Variants in KALRN observed in about 807,000 individuals in gnomAD.
KALRN encodes the protein kalirin.
KALRN carries 70 observed loss-of-function variants against 353.7 expected under a neutral mutation model. That is an observed-to-expected ratio of 0.20 (90% confidence interval 0.16 to 0.24). The LOEUF (loss-of-function observed/expected upper bound fraction) is 0.24, where lower values mean the gene tolerates loss of function less well. Among genes scored for constraint, KALRN ranks in the 10% least tolerant of loss-of-function variants. KALRN has a pLI of 1.00. For synonymous variants in KALRN, 1,391 were observed against 1,434.8 expected, an observed-to-expected ratio of 0.97 and a Z score of 0.69; for missense variants, 2,791 against 3,756.7, an observed-to-expected ratio of 0.74 and a Z score of 6.72.
chr3:124,653,256 T>C (rs1440146), intron 38 of KALRN, among the ~76,000 whole-genome samples: 97,607 of 151,992 alleles, frequency 0.64, 32,093 homozygotes, highest in East Asian at 0.91. Flanking sequence ...ATGAGAGCTC[T>C]GTGGAGAAAA....
At chr3:124,277,958 G>T (rs2074930606) in intron 5 of KALRN, among the ~76,000 whole-genome samples, 1 of 151,796 alleles carries the variant, frequency 6.6e-6, no homozygotes, top group Non-Finnish European at 1.5e-5. Flanking sequence ...CAGCAGTTGA[G>T]GTGAGCTGTG....
At position 124,641,113 on chromosome 3, in the gene KALRN, A is replaced by T. The variant is rs530502256; in HGVS notation, c.5664+3810A>T. ...CTTTATGGTCACTTGGTCATTTGTT[A>T]TACCAAAGCTTCTGCCTCGGTGAGT... On this transcript the variant is annotated intron_variant, in intron 37 of 59. Coordinates refer to ENST00000682506, the MANE Select transcript of KALRN (RefSeq NM_001388419.1). 3.3e-5 allele frequency among the ~76,000 whole-genome samples: 5 copies of T among 152,186 alleles called. No homozygotes were observed. The East Asian group carries it at 9.7e-4, about 29-fold the overall frequency.
Position 124,658,496 on chromosome 3 carries a change from T to C in KALRN, c.6102T>C (p.Ala2034=), listed in dbSNP as rs747538348. Residue 2034 remains alanine, a synonymous_variant, in exon 42 of 60, where the codon GCT becomes GCC. Coordinates refer to ENST00000682506, the MANE Select transcript of KALRN (RefSeq NM_001388419.1). ...AGCCGCGCTCAGAGTACATCGTTGC[T>C]GAGTATGACGCCTACTTTGAGGTAA... ...QNKPRSEYIV[A]EYDAYFEEVK... is the part of the protein sequence containing the mutation. 1 of 1,614,102 alleles carries C rather than the reference T, an allele frequency of 6.2e-7. No individual in the cohort carries two copies. The highest frequency in any genetic ancestry group is 8.5e-7 in the Non-Finnish European group (1 of 1,179,922).
chr3:124,521,664 A>G (rs139706094), intron 33 of KALRN, among the ~76,000 whole-genome samples: 90 of 152,332 alleles, frequency 5.9e-4, no homozygotes, highest in African/African-American at 2.1e-3. Context: ...ATAATTAAAG[A>G]GTATAGTGAA....
intron 5 of KALRN, among the ~76,000 whole-genome samples, chr3:124,281,243 A>G (rs575340572): frequency 5.9e-5 from 9 of 152,160 alleles, no homozygotes; most frequent in African/African-American, 1.9e-4. Flanking sequence ...ATGTCCTGCT[A>G]TAGGAACAAC....
At chr3:124,218,481 A>G (rs1018385621) in intron 1 of KALRN, among the ~76,000 whole-genome samples, 38 of 152,180 alleles carry the variant, frequency 2.5e-4, no homozygotes, top group African/African-American at 8.7e-4. Context: ...CTGACAAGCT[A>G]ATGTTCTCTG....
chr3:124,232,882 GA>G (rs201346262), intron 2 of KALRN, among the ~76,000 whole-genome samples: 29 of 147,616 alleles, frequency 2.0e-4, no homozygotes, highest in African/African-American at 4.7e-4. Context: ...GTCAGACAGG[GA>G]AAAAAAAAAG....
intron 33 of KALRN, among the ~76,000 whole-genome samples, chr3:124,497,377 A>G (rs796583949): frequency 6.6e-5 from 10 of 152,260 alleles, no homozygotes; most frequent in African/African-American, 2.4e-4. Flanking sequence ...TCATTGCTTC[A>G]TCTTAGTTTT....
At position 124,354,793 on chromosome 3, in the gene KALRN, T is replaced by C. The variant is rs920527669; in HGVS notation, c.1770+7528T>C. On this transcript the variant is annotated intron_variant, in intron 10 of 59. Transcript: ENST00000682506. ...GAAAATGGCAATAGAAGAGGATTCT[T>C]TGTTGAAAGGACTTGTTCTAATGGG... Among the ~76,000 whole-genome samples the C allele has an allele frequency of 2.0e-5, 3 of 152,292 alleles. No individual in the cohort carries two copies. In the East Asian group the frequency reaches 5.8e-4, roughly 29 times the overall value.
At chr3:124,430,947 A>G (rs1345808574) in intron 16 of KALRN, among the ~76,000 whole-genome samples, 172 bp downstream of exon 16, 3 of 152,208 alleles carry the variant, frequency 2.0e-5, no homozygotes, top group African/African-American at 7.2e-5. Context: ...AAGCAAATGC[A>G]AGGGTTCATC....
chr3:124,377,563 C>T (rs758086351), intron 10 of KALRN, among the ~76,000 whole-genome samples: 16 of 152,060 alleles, frequency 1.1e-4, no homozygotes, highest in South Asian at 4.2e-4. Flanking sequence ...TGTCAGACCA[C>T]GTTGGTTGAG....
intron 25 of KALRN, among the ~76,000 whole-genome samples, chr3:124,473,083 T>A (rs1301682965): frequency 6.6e-6 from 1 of 152,218 alleles, no homozygotes; most frequent in African/African-American, 2.4e-5. Context: ...GCTTTCCAAA[T>A]AGGACTTGCC....
At chr3:124,251,068 G>C (rs1398115478) in intron 3 of KALRN, among the ~76,000 whole-genome samples, 1 of 152,198 alleles carries the variant, frequency 6.6e-6, no homozygotes, top group African/African-American at 2.4e-5. Flanking sequence ...AACAAATGCT[G>C]TGCTCCCAAG....
intron 34 of KALRN, among the ~76,000 whole-genome samples, chr3:124,567,958 G>A (rs891800998): frequency 6.6e-6 from 1 of 151,986 alleles, no homozygotes; most frequent in East Asian, 1.9e-4. Context: ...CTGGGCAAAA[G>A]AGTGAGACTC....
intron 1 of KALRN, among the ~76,000 whole-genome samples, chr3:124,127,371 A>T (rs1342576964): frequency 6.6e-6 from 1 of 152,108 alleles, no homozygotes; most frequent in African/African-American, 2.4e-5. Context: ...ATTATTTTCT[A>T]ATCCTCCTCC....
chr3:124,414,195 C>CTG (rs1281395521), intron 14 of KALRN, among the ~76,000 whole-genome samples: 1 of 152,198 alleles, frequency 6.6e-6, no homozygotes, highest in African/African-American at 2.4e-5. Context: ...CCAGGGTTTC[C>CTG]TGGTCTGCAG....
chr3:124,413,731 AAGG>A lies in KALRN; in HGVS notation c.2542+69_2542+71del. On this transcript the variant is annotated intron_variant, in intron 14 of 59. Transcript: ENST00000682506. ...AAAACAAGCATACCATCTAGCCTGC[AAGG>A]AGCAGTGCCACATCGTTTATTCATT... The A allele has an allele frequency of 3.2e-6, 4 of 1,232,520 alleles. No homozygotes were observed. The East Asian group carries it at 9.6e-5, about 30-fold the overall frequency. 76.3% of individuals were successfully genotyped at this position (1,232,520 alleles called of 1,614,324 possible).
intron 13 of KALRN, among the ~76,000 whole-genome samples, chr3:124,410,932 A>G (rs2092095534): frequency 1.3e-5 from 2 of 151,720 alleles, no homozygotes; most frequent in South Asian, 2.1e-4. Context: ...TTAGCCAAAC[A>G]CTGGAAACAA....
At chr3:124,227,191 A>T (rs1435807561) in intron 1 of KALRN, among the ~76,000 whole-genome samples, 1 of 152,176 alleles carries the variant, frequency 6.6e-6, no homozygotes, top group Non-Finnish European at 1.5e-5. Context: ...GTGAGCCCCA[A>T]GATTCTGCCT....
Sources: gnomAD v4.1 joint callset for allele counts (sites outside exome capture counted in the v4.1 genomes callset) on GRCh38, gnomAD v4.1.1 for gene constraint, MANE v1.5 for transcripts, NCBI Gene and HGNC (gene_info 2026-07-23, HGNC 2026-07-21) for gene names.